PREX2: variants seen among roughly 807,000 people sequenced by gnomAD.
The protein encoded by PREX2 is phosphatidylinositol-3,4,5-trisphosphate dependent Rac exchange factor 2.
A neutral mutation model predicts 203.2 loss-of-function variants in PREX2; 107 were observed. The ratio of observed to expected loss-of-function variants is 0.53; its 90% CI spans 0.45 to 0.62. The LOEUF (loss-of-function observed/expected upper bound fraction) is 0.62, where lower values mean the gene tolerates loss of function less well. Ranked by LOEUF, PREX2 falls within the 20% of genes least tolerant of loss-of-function variation. PREX2 has a pLI of 0.00. For missense variants in PREX2, 1,777 were observed against 1,955.9 expected (o/e 0.91, Z 1.72); for synonymous variants, 672 against 663.6 (o/e 1.01, Z -0.19).
rs1413665321 is a variant in PREX2, at chr8:68,232,337, A to G, written c.*959A>G. 5 of 152,096 alleles carry G rather than the reference A, an allele frequency of 3.3e-5. No individual in the cohort carries two copies. The highest frequency in any genetic ancestry group is 9.7e-5 in the African/African-American group (4 of 41,436). 9.4% of individuals were successfully genotyped at this position (152,096 alleles called of 1,614,324 possible). ...TTTTCTGTTAAGATATATGTATAAG[A>G]TATGAAAATAAGGCTTTATTTGTAC... is the stretch of plus-strand genomic sequence containing the variant. On this transcript the variant is annotated 3_prime_UTR_variant, in exon 40 of 40. Transcript: ENST00000288368.
At chr8:68,156,410 G>A (rs181578956) in intron 34 of PREX2, among the ~76,000 whole-genome samples, 39 of 152,202 alleles carry the variant, frequency 2.6e-4, no homozygotes, top group African/African-American at 7.5e-4. Context: ...CATATGTTGC[G>A]AATATGTACA....
In PREX2 at chr8:68,233,782, A is replaced by G. The variant is rs900604485; in HGVS notation, c.*2404A>G. On this transcript the variant is annotated 3_prime_UTR_variant, in exon 40 of 40. Transcript: ENST00000288368. ...TGACTTGCACAAAGTCACATGATTGACAAGGGGTAGAACCAAAATTTGAAC... is the reference window on the plus strand; with the variant it reads ...TGACTTGCACAAAGTCACATGATTGGCAAGGGGTAGAACCAAAATTTGAAC... 1 of 152,198 alleles carries G rather than the reference A, an allele frequency of 6.6e-6. No individual in the cohort carries two copies. The allele number at this position is 152,198 out of a possible 1,614,324, so 9.4% of individuals were successfully genotyped here.
chr8:68,214,881 C>T (rs1812803777), intron 37 of PREX2, among the ~76,000 whole-genome samples: 1 of 152,146 alleles, frequency 6.6e-6, no homozygotes. Context: ...CTCTTTTTAA[C>T]ACTTTTTACT....
chr8:68,069,054 A>C lies in PREX2; in HGVS notation c.1361A>C (p.Lys454Thr), dbSNP rs147230329. 13 of 1,514,238 alleles carry C rather than the reference A, an allele frequency of 8.6e-6. No individual in the cohort carries two copies. In the African/African-American group the frequency reaches 1.8e-4, roughly 22 times the overall value. The allele number at this position is 1,514,238 out of a possible 1,614,324, so 93.8% of individuals were successfully genotyped here. A position where few individuals can be genotyped will look rare whatever the true frequency, so the allele number is the denominator to read the frequency against. ...IHHVTDKHQF[K>T]PEQMLYRFRY... The stretch of plus-strand genomic sequence containing the variant: ...TTAGTTACTGATAAACATCAATTCA[A>C]ACCAGAACAGATGTTATATAGATTT... The change falls in exon 12 of 40, where the codon AAA (lysine) becomes ACA (threonine). Residue 454 changes from lysine to threonine, a missense_variant. By Grantham distance (78) the Lys-to-Thr change is moderately conservative. Transcript: ENST00000288368.
intron 23 of PREX2, among the ~76,000 whole-genome samples, chr8:68,106,993 T>C (rs6472383): frequency 0.48 from 72,937 of 151,922 alleles, 18,119 homozygotes; most frequent in African/African-American, 0.61. Context: ...TCTAACTCTA[T>C]GAGACTCTTA....
At chr8:68,085,124 C>G (rs1199171581) in intron 18 of PREX2, among the ~76,000 whole-genome samples, 3 of 152,080 alleles carry the variant, frequency 2.0e-5, no homozygotes, top group African/African-American at 7.2e-5. Flanking sequence ...ACGTCCTCAT[C>G]CATAAAATGG....
chr8:68,158,500 A>G (rs1440427401), intron 35 of PREX2, among the ~76,000 whole-genome samples: 4 of 152,122 alleles, frequency 2.6e-5, no homozygotes. Flanking sequence ...AATGGGAGAC[A>G]AGGAGTGAGC....
At chr8:68,030,777 C>G in intron 6 of PREX2, 119 bp downstream of exon 6, 1 of 946,240 alleles carries the variant, frequency 1.1e-6, no homozygotes, top group Non-Finnish European at 1.6e-6. Context: ...TACTTGAGGA[C>G]TGTAGTCAAT....
At chr8:68,186,997 T>G (rs916474827) in intron 35 of PREX2, among the ~76,000 whole-genome samples, 1 of 152,136 alleles carries the variant, frequency 6.6e-6, no homozygotes, top group African/African-American at 2.4e-5. Context: ...CAACATGATC[T>G]AAACAGCTCT....
chr8:68,079,553 C>T (rs1281003286), intron 15 of PREX2, among the ~76,000 whole-genome samples: 1 of 148,138 alleles, frequency 6.8e-6, no homozygotes, highest in Non-Finnish European at 1.5e-5. Context: ...CATCACAAAA[C>T]CTAACTTTTT....
chr8:68,096,648 A>C (rs1476553806), intron 21 of PREX2, among the ~76,000 whole-genome samples: 1 of 152,138 alleles, frequency 6.6e-6, no homozygotes, highest in Non-Finnish European at 1.5e-5. Flanking sequence ...CTTTAAGAAA[A>C]TATTCATACA....
At chr8:68,046,183 A>G (rs1808345056) in intron 8 of PREX2, among the ~76,000 whole-genome samples, 1 of 151,832 alleles carries the variant, frequency 6.6e-6, no homozygotes, top group Non-Finnish European at 1.5e-5. Context: ...TTCCTGAGAG[A>G]TTGAATATCC....
At chr8:68,142,736 C>T (rs1811252367) in intron 33 of PREX2, among the ~76,000 whole-genome samples, 1 of 152,072 alleles carries the variant, frequency 6.6e-6, no homozygotes, top group African/African-American at 2.4e-5. Context: ...TGCATGGAGA[C>T]TGGTGAGAAA....
At chr8:68,071,130 T>C (rs1303811676) in intron 13 of PREX2, among the ~76,000 whole-genome samples, 1 of 152,190 alleles carries the variant, frequency 6.6e-6, no homozygotes, top group Non-Finnish European at 1.5e-5. Flanking sequence ...AAATGTGTTC[T>C]GAAAATATAT....
chr8:67,982,890 C>A (rs1227619883), intron 1 of PREX2, among the ~76,000 whole-genome samples: 1 of 152,112 alleles, frequency 6.6e-6, no homozygotes, highest in African/African-American at 2.4e-5. Context: ...ATTGTCTGAC[C>A]CTCTCCAATA....
chr8:68,087,944 G>T, intron 19 of PREX2, 135 bp downstream of exon 19: 1 of 662,690 alleles, frequency 1.5e-6, no homozygotes, highest in Non-Finnish European at 2.7e-6. Context: ...TTAACTCAAT[G>T]GTAGCACATT....
At chr8:68,135,076 A>T (rs927919509) in intron 32 of PREX2, among the ~76,000 whole-genome samples, 1 of 143,020 alleles carries the variant, frequency 7.0e-6, no homozygotes, top group African/African-American at 2.6e-5. Flanking sequence ...ACCAAGTAAC[A>T]TGTTTGAGCT....
At chr8:67,999,107 A>T (rs920122933) in intron 1 of PREX2, among the ~76,000 whole-genome samples, 1 of 152,134 alleles carries the variant, frequency 6.6e-6, no homozygotes, top group African/African-American at 2.4e-5. Flanking sequence ...TTCACTTAAG[A>T]TGCATGGAGG....
chr8:68,205,152 T>C (rs1010865717), intron 37 of PREX2, among the ~76,000 whole-genome samples: 2 of 152,214 alleles, frequency 1.3e-5, no homozygotes, highest in Non-Finnish European at 2.9e-5. Context: ...GTTATTTCTA[T>C]AAATTATACT....
Sources: allele counts gnomAD v4.1 joint callset (sites outside exome capture counted in the v4.1 genomes callset), GRCh38; gene constraint gnomAD v4.1.1; transcripts MANE v1.5; gene names NCBI Gene and HGNC (gene_info 2026-07-23, HGNC 2026-07-21).